Variants in GNB1 observed in about 807,000 individuals in gnomAD.
The protein encoded by GNB1 is guanine nucleotide-binding protein G(I)/G(S)/G(T) subunit beta-1.
GNB1 carries 2 observed loss-of-function variants against 42.9 expected under a neutral mutation model. The ratio of observed to expected loss-of-function variants is 0.05; its 90% CI spans 0.02 to 0.15. The LOEUF (loss-of-function observed/expected upper bound fraction) is 0.15. Among genes scored for constraint, GNB1 ranks in the 10% least tolerant of loss-of-function variants. GNB1 has a pLI of 1.00. For missense variants in GNB1, 193 were observed against 462.2 expected (o/e 0.42, Z 5.34); for synonymous variants, 183 against 174.7 (o/e 1.05, Z -0.38).
intron 7 of GNB1, among the ~76,000 whole-genome samples, chr1:1,796,977 A>C: frequency 6.6e-6 from 1 of 152,102 alleles, no homozygotes; most frequent in East Asian, 1.9e-4. Flanking sequence ...TGCCTCAAGG[A>C]TAGAGTGAGT....
chr1:1,816,196 T>C (rs1180369858), intron 4 of GNB1, among the ~76,000 whole-genome samples: 1 of 152,172 alleles, frequency 6.6e-6, no homozygotes, highest in Non-Finnish European at 1.5e-5. Context: ...GGTCTCTGAG[T>C]TCTTTGAGAT....
chr1:1,870,273 C>G (rs1240730477), intron 1 of GNB1, among the ~76,000 whole-genome samples: 1 of 152,112 alleles, frequency 6.6e-6, no homozygotes, highest in African/African-American at 2.4e-5. Context: ...TCAGTGTAAC[C>G]TCAAACTCCT....
chr1:1,873,819 A>G (rs1649379697), intron 1 of GNB1, among the ~76,000 whole-genome samples: 2 of 152,076 alleles, frequency 1.3e-5, no homozygotes, highest in Non-Finnish European at 2.9e-5. Flanking sequence ...CTCCATCTTA[A>G]ATAAACTTGG....
chr1:1,845,371 A>G (rs968609092), intron 1 of GNB1, among the ~76,000 whole-genome samples: 2 of 152,134 alleles, frequency 1.3e-5, no homozygotes, highest in Non-Finnish European at 2.9e-5. Flanking sequence ...CAGGAGATTG[A>G]GACCATCCTA....
At chr1:1,807,730 C>CG (rs1307121995) in intron 5 of GNB1, among the ~76,000 whole-genome samples, 6 of 150,592 alleles carry the variant, frequency 4.0e-5, no homozygotes, top group African/African-American at 1.2e-4. Context: ...TTTTTTGAGA[C>CG]GGAGTCTCGC....
chr1:1,877,981 G>C (rs1051718103), intron 1 of GNB1, among the ~76,000 whole-genome samples: 8 of 152,186 alleles, frequency 5.3e-5, no homozygotes, highest in African/African-American at 1.9e-4. Context: ...AGTCTTCTCA[G>C]ATGAATGAGG....
At chr1:1,794,542 C>A (rs1427678631) in intron 7 of GNB1, among the ~76,000 whole-genome samples, 2 of 152,066 alleles carry the variant, frequency 1.3e-5, no homozygotes, top group African/African-American at 4.8e-5. Context: ...ACTGAAAAGC[C>A]TTCCCCCCAA....
chr1:1,866,954 AAAAC>A (rs758628784), intron 1 of GNB1, among the ~76,000 whole-genome samples: 1 of 151,336 alleles, frequency 6.6e-6, no homozygotes, highest in Non-Finnish European at 1.5e-5. Flanking sequence ...ACTCCATCTC[AAAAC>A]AAACAAACAA....
At chr1:1,887,332 T>C (rs879358127) in intron 1 of GNB1, among the ~76,000 whole-genome samples, 2 of 152,226 alleles carry the variant, frequency 1.3e-5, no homozygotes, top group African/African-American at 2.4e-5. Flanking sequence ...TGATGGTAGA[T>C]GAAGTCTAGA....
Position 1,882,687 on chromosome 1 carries a change from C to T in GNB1, c.-96+8133G>A, listed in dbSNP as rs964339893. 4.6e-5 allele frequency among the ~76,000 whole-genome samples: 7 copies of T among 152,208 alleles called. No homozygotes were observed. In the South Asian group the frequency reaches 1.2e-3, roughly 27 times the overall value. Reference sequence around the variant, plus strand: ...CCTGTAATCCCAGCACTTTGGGAGGCCGAGGCAGGCAGATCACGAGGTCAG... The same window carrying T: ...CCTGTAATCCCAGCACTTTGGGAGGTCGAGGCAGGCAGATCACGAGGTCAG... On this transcript the variant is annotated intron_variant, in intron 1 of 11. Transcript: ENST00000378609.
At chr1:1,854,685 T>C (rs375079213) in intron 1 of GNB1, among the ~76,000 whole-genome samples, 35 of 152,340 alleles carry the variant, frequency 2.3e-4, no homozygotes, top group African/African-American at 7.2e-4. Context: ...GGAAGGAGGA[T>C]TGCTTAAGCC....
intron 4 of GNB1, chr1:1,817,622 T>C: frequency 2.2e-6 from 1 of 448,294 alleles, no homozygotes; most frequent in East Asian, 3.2e-5. Context: ...AACAGGTAGA[T>C]GATTATTCAA....
chr1:1,832,555 T>C (rs1647091532), intron 2 of GNB1, among the ~76,000 whole-genome samples: 1 of 152,216 alleles, frequency 6.6e-6, no homozygotes, highest in Non-Finnish European at 1.5e-5. Flanking sequence ...AACAACATCT[T>C]TGTGAGTCAA....
chr1:1,871,907 G>A (rs1188399936), intron 1 of GNB1, among the ~76,000 whole-genome samples: 1 of 151,736 alleles, frequency 6.6e-6, no homozygotes, highest in African/African-American at 2.4e-5. Flanking sequence ...GCCAAACCAC[G>A]CCATTTCTCA....
intron 1 of GNB1, among the ~76,000 whole-genome samples, chr1:1,851,812 G>A (rs1647998651): frequency 6.6e-6 from 1 of 152,148 alleles, no homozygotes; most frequent in Non-Finnish European, 1.5e-5. Context: ...GGGAGGCTGA[G>A]GTGGGTGGAT....
intron 1 of GNB1, among the ~76,000 whole-genome samples, chr1:1,884,839 C>T (rs1449015234): frequency 6.6e-6 from 1 of 151,798 alleles, no homozygotes; most frequent in Non-Finnish European, 1.5e-5. Context: ...CCTGCCACCA[C>T]GCCCGGCTAA....
intron 5 of GNB1, among the ~76,000 whole-genome samples, chr1:1,810,535 C>CAAAAA (rs1213355902): frequency 2.7e-5 from 2 of 73,120 alleles, no homozygotes; most frequent in South Asian, 4.9e-4. Flanking sequence ...GACCCAGTCT[C>CAAAAA]AAAAAAAAAA....
chr1:1,886,737 C>T (rs1010181184), intron 1 of GNB1, among the ~76,000 whole-genome samples: 1 of 152,150 alleles, frequency 6.6e-6, no homozygotes, highest in Non-Finnish European at 1.5e-5. Context: ...GACGGAGTCT[C>T]GCTGTGTCGC....
intron 10 of GNB1, chr1:1,788,727 C>T (rs950377243): frequency 3.6e-6 from 1 of 279,854 alleles, no homozygotes. Context: ...AGAGGTGTCC[C>T]TGCATGGAAC....
Sources: allele counts gnomAD v4.1 joint callset (sites outside exome capture counted in the v4.1 genomes callset), GRCh38; gene constraint gnomAD v4.1.1; transcripts MANE v1.5; gene names NCBI Gene and HGNC (gene_info 2026-07-23, HGNC 2026-07-21).